Variants in FHIT observed in about 807,000 individuals in gnomAD.
The protein encoded by FHIT is bis(5'-adenosyl)-triphosphatase.
FHIT carries 19 observed loss-of-function variants against 17.9 expected under a neutral mutation model. That is an observed-to-expected ratio of 1.06 (90% confidence interval 0.74 to 1.56). The LOEUF is 1.56. Among genes scored for constraint, FHIT ranks in the 40% most tolerant of loss-of-function variants. The pLI is 0.00. For missense variants in FHIT, 248 were observed against 189.2 expected (o/e 1.31, Z -1.82); for synonymous variants, 81 against 69.7 (o/e 1.16, Z -0.81).
chr3:60,065,244 C>T (rs1196739398), intron 5 of FHIT, among the ~76,000 whole-genome samples: 1 of 152,144 alleles, frequency 6.6e-6, no homozygotes, highest in Non-Finnish European at 1.5e-5. Context: ...ACCTTATGAG[C>T]TAGAATGCTT....
intron 5 of FHIT, among the ~76,000 whole-genome samples, chr3:60,506,930 C>G (rs1177877912): frequency 6.6e-6 from 1 of 152,100 alleles, no homozygotes; most frequent in Non-Finnish European, 1.5e-5. Context: ...GTCTTAATTA[C>G]TTCATTTAAT....
intron 4 of FHIT, among the ~76,000 whole-genome samples, chr3:60,641,144 C>A (rs1461498254): frequency 1.3e-5 from 2 of 152,018 alleles, no homozygotes; most frequent in African/African-American, 4.8e-5. Context: ...TATGCCATTG[C>A]ACTCCGGCCT....
intron 8 of FHIT, among the ~76,000 whole-genome samples, chr3:59,897,102 G>T (rs539280115): frequency 6.6e-6 from 1 of 152,208 alleles, no homozygotes; most frequent in South Asian, 2.1e-4. Flanking sequence ...AACTTGCAGG[G>T]TTCTAAAGTT....
Position 60,357,216 on chromosome 3 carries a change from G to C in FHIT, c.103+179644C>G, listed in dbSNP as rs151323471. Among the ~76,000 whole-genome samples, 64 of 152,122 alleles carry C rather than the reference G, an allele frequency of 4.2e-4. No homozygotes were observed. In the East Asian group the frequency reaches 0.012, roughly 28 times the overall value. ...GAGATCACTTGTTTTTTGTTTGTTT[G>C]TTTGTTTCTGAGATGGAGTTTTTCT... On this transcript the variant is annotated intron_variant, in intron 5 of 9. Transcript: ENST00000492590.
At chr3:61,136,240 G>A (rs1279826686) in intron 2 of FHIT, among the ~76,000 whole-genome samples, 3 of 75,800 alleles carry the variant, frequency 4.0e-5, no homozygotes, top group South Asian at 4.3e-4. Flanking sequence ...CCCCTCACCC[G>A]ACCCACCCGC....
intron 4 of FHIT, among the ~76,000 whole-genome samples, chr3:60,684,723 G>C (rs1716736): frequency 6.6e-6 from 1 of 152,060 alleles, no homozygotes; most frequent in African/African-American, 2.4e-5. Context: ...CTAGTTCACA[G>C]ACTAGATCAC....
chr3:60,560,520 A>T (rs1267472637), intron 4 of FHIT, among the ~76,000 whole-genome samples: 1 of 152,048 alleles, frequency 6.6e-6, no homozygotes, highest in African/African-American at 2.4e-5. Flanking sequence ...GTTCAGGCCA[A>T]AACCAAAATG....
intron 8 of FHIT, among the ~76,000 whole-genome samples, chr3:59,829,619 C>T (rs1301537750): frequency 7.2e-5 from 11 of 152,202 alleles, no homozygotes; most frequent in Non-Finnish European, 1.5e-4. Flanking sequence ...TATCCATGTG[C>T]TCTGCTCCAT....
At chr3:60,518,657 T>C (rs2035246976) in intron 5 of FHIT, among the ~76,000 whole-genome samples, 1 of 152,198 alleles carries the variant, frequency 6.6e-6, no homozygotes, top group African/African-American at 2.4e-5. Flanking sequence ...AAGTCAGTAA[T>C]AACTAATAAA....
At chr3:60,869,068 C>T (rs1553754456) in intron 3 of FHIT, among the ~76,000 whole-genome samples, 1 of 152,030 alleles carries the variant, frequency 6.6e-6, no homozygotes. Flanking sequence ...TGGTCTCTTA[C>T]CTAAGGAAAG....
intron 5 of FHIT, among the ~76,000 whole-genome samples, chr3:60,091,790 G>A (rs1703744553): frequency 6.6e-6 from 1 of 152,070 alleles, no homozygotes; most frequent in South Asian, 2.1e-4. Flanking sequence ...CACATGAGAT[G>A]CCTCACTCCC....
intron 4 of FHIT, among the ~76,000 whole-genome samples, chr3:60,665,822 CTATT>C (rs2107833574): frequency 6.6e-6 from 1 of 152,096 alleles, no homozygotes; most frequent in Admixed American, 6.5e-5. Flanking sequence ...TACTTGTTTT[CTATT>C]TGATTCCTCT....
chr3:60,351,083 CA>C (rs71930476), intron 5 of FHIT, among the ~76,000 whole-genome samples: 21,525 of 151,140 alleles, frequency 0.14, 1,619 homozygotes, highest in Non-Finnish European at 0.16. Flanking sequence ...GACACTGAAG[CA>C]AAAAAAAGCC....
intron 5 of FHIT, among the ~76,000 whole-genome samples, chr3:60,256,961 G>T (rs1309035602): frequency 6.6e-6 from 1 of 152,124 alleles, no homozygotes; most frequent in Non-Finnish European, 1.5e-5. Context: ...TACATTACAG[G>T]TAACTAATAG....
intron 4 of FHIT, among the ~76,000 whole-genome samples, chr3:60,596,379 T>G (rs879979036): frequency 6.6e-6 from 1 of 152,156 alleles, no homozygotes; most frequent in South Asian, 2.1e-4. Flanking sequence ...GACACTGCAC[T>G]AGCCTTTGGG....
At chr3:60,725,658 G>A (rs1553709302) in intron 4 of FHIT, among the ~76,000 whole-genome samples, 1 of 152,028 alleles carries the variant, frequency 6.6e-6, no homozygotes, top group Admixed American at 6.5e-5. Context: ...TTTGCAATTG[G>A]TGTTCTTTTT....
At chr3:60,734,767 G>A (rs1553712159) in intron 4 of FHIT, among the ~76,000 whole-genome samples, 1 of 152,220 alleles carries the variant, frequency 6.6e-6, no homozygotes, top group South Asian at 2.1e-4. Flanking sequence ...TAATGCCTAT[G>A]CCAGACTTAC....
intron 5 of FHIT, among the ~76,000 whole-genome samples, chr3:60,367,762 A>C (rs1700167738): frequency 6.6e-6 from 1 of 152,204 alleles, no homozygotes; most frequent in Non-Finnish European, 1.5e-5. Flanking sequence ...CAAAGCTCTA[A>C]TCAAGTTATC....
At chr3:60,113,262 C>T (rs1003972767) in intron 5 of FHIT, among the ~76,000 whole-genome samples, 2 of 152,208 alleles carry the variant, frequency 1.3e-5, no homozygotes, top group African/African-American at 4.8e-5. Flanking sequence ...CCAACACTTA[C>T]AGCAGCATGA....
Sources: gnomAD v4.1 joint callset for allele counts (sites outside exome capture counted in the v4.1 genomes callset) on GRCh38, gnomAD v4.1.1 for gene constraint, MANE v1.5 for transcripts, NCBI Gene and HGNC (gene_info 2026-07-23, HGNC 2026-07-21) for gene names.